The following MYO16 variants were observed in gnomAD, a reference collection of about 807,000 sequenced individuals.
The protein encoded by MYO16 is unconventional myosin-XVI.
A neutral mutation model predicts 205.3 loss-of-function variants in MYO16; 94 were observed. The observed-to-expected ratio is 0.46, with a 90% CI of 0.39 to 0.54. The LOEUF (loss-of-function observed/expected upper bound fraction) is 0.54, where lower values mean the gene tolerates loss of function less well. Ranked by LOEUF, MYO16 falls within the 20% of genes least tolerant of loss-of-function variation. MYO16 has a pLI of 0.00. For synonymous variants in MYO16, 988 were observed against 954.0 expected (o/e 1.04, Z -0.66); for missense variants, 2,315 against 2,387.5 (o/e 0.97, Z 0.63).
At chr13:108,937,552 G>A (rs553915720) in intron 16 of MYO16, among the ~76,000 whole-genome samples, 35 of 152,178 alleles carry the variant, frequency 2.3e-4, no homozygotes, top group East Asian at 1.9e-4. Flanking sequence ...TCTCAAAGGC[G>A]TTGCTCATTT....
the MYO16 span, among the ~76,000 whole-genome samples, chr13:108,550,993 T>C: frequency 6.6e-6 from 1 of 152,194 alleles, no homozygotes; most frequent in Non-Finnish European, 1.5e-5. Context: ...CCCTTGTGCC[T>C]TTTTATAGAA....
At chr13:108,920,437 A>G (rs1881693429) in intron 16 of MYO16, among the ~76,000 whole-genome samples, 1 of 130,888 alleles carries the variant, frequency 7.6e-6, no homozygotes, top group Admixed American at 8.9e-5. Context: ...CTTCCCTGTC[A>G]TCTCTTTCTG....
intron 27 of MYO16, among the ~76,000 whole-genome samples, chr13:109,100,327 CAAAT>C (rs1888922035): frequency 6.6e-6 from 1 of 151,996 alleles, no homozygotes; most frequent in Non-Finnish European, 1.5e-5. Flanking sequence ...TTCTACCTCT[CAAAT>C]AAGTATTCTG....
chr13:108,937,019 G>C (rs146662133), intron 16 of MYO16, among the ~76,000 whole-genome samples: 1 of 152,050 alleles, frequency 6.6e-6, no homozygotes, highest in Non-Finnish European at 1.5e-5. Context: ...CTCCCTTAAG[G>C]GTCTCTTATA....
At position 108,823,206 on chromosome 13, in the gene MYO16, C is replaced by T. The variant is rs750742570; in HGVS notation, c.1025C>T (p.Ser342Phe). ...GAAGAAAAAATGAAAGAGCCTTTATCTGCTTCTACCTTAGCTCAAGAAGAG... is the reference window on the plus strand; with the variant it reads ...GAAGAAAAAATGAAAGAGCCTTTATTTGCTTCTACCTTAGCTCAAGAAGAG... The part of the protein sequence containing the change: ...AWEEKMKEPL[S>F]ASTLAQEEPY... The change falls in exon 9 of 35, where the codon TCT becomes TTT. Residue 342 changes from serine (S) to phenylalanine (F), a missense_variant. By Grantham distance (155) the Ser-to-Phe change is radical. Transcript: ENST00000457511. 4.0e-5 allele frequency: 64 copies of T among 1,613,116 alleles called. No homozygotes were observed. Among genetic ancestry groups the T allele is most frequent in the Non-Finnish European group, 5.4e-5 (64 of 1,179,488 alleles).
At chr13:108,978,613 C>CGCA (rs1884353351) in intron 20 of MYO16, among the ~76,000 whole-genome samples, 1 of 151,764 alleles carries the variant, frequency 6.6e-6, no homozygotes, top group Non-Finnish European at 1.5e-5. Flanking sequence ...GTTTTCTAGT[C>CGCA]TTTATTTATG....
At chr13:108,759,722 A>G (rs61971101) in intron 4 of MYO16, among the ~76,000 whole-genome samples, 39,591 of 150,884 alleles carry the variant, frequency 0.26, 5,757 homozygotes, top group Middle Eastern at 0.34. Context: ...TCCGGAGGCT[A>G]AGGCAGGAGA....
intron 14 of MYO16, 62 bp from the exon 15 acceptor site, chr13:108,897,954 T>G: frequency 8.0e-7 from 1 of 1,254,238 alleles, no homozygotes; most frequent in Non-Finnish European, 1.2e-6. Context: ...TCGTCGCTAT[T>G]ACTCATCAAT....
At chr13:108,638,995 G>C (rs9587641) in intron 1 of MYO16, among the ~76,000 whole-genome samples, 14,256 of 152,088 alleles carry the variant, frequency 0.094, 1,251 homozygotes, top group African/African-American at 0.23. Flanking sequence ...TGCGTAGTGC[G>C]TTCAAAGCAA....
At chr13:108,715,212 G>A (rs1239822648) in intron 3 of MYO16, among the ~76,000 whole-genome samples, 7 of 152,134 alleles carry the variant, frequency 4.6e-5, no homozygotes, top group African/African-American at 7.2e-5. Flanking sequence ...CTCCTGCTCC[G>A]TGTGCTCTTG....
At chr13:108,681,349 G>A (rs989357529) in intron 2 of MYO16, among the ~76,000 whole-genome samples, 4 of 152,174 alleles carry the variant, frequency 2.6e-5, no homozygotes, top group Non-Finnish European at 5.9e-5. Flanking sequence ...ATGTGACTCG[G>A]TGCCTAAAGT....
intron 6 of MYO16, among the ~76,000 whole-genome samples, chr13:108,806,468 G>A (rs76754941): frequency 0.012 from 1,803 of 152,266 alleles, 30 homozygotes; most frequent in South Asian, 0.056. Flanking sequence ...AAGTTGGAAG[G>A]AAAATTAATA....
chr13:108,585,694 C>T, the MYO16 span, among the ~76,000 whole-genome samples: 4 of 152,020 alleles, frequency 2.6e-5, no homozygotes, highest in African/African-American at 9.7e-5. Context: ...TTCCTTGTTT[C>T]ATAATGTCAT....
rs1566439108 is a variant in MYO16, at chr13:108,971,352, TATA to T, written c.2369+6451_2369+6453del. 1.2e-3 allele frequency among the ~76,000 whole-genome samples: 14 copies of T among 11,706 alleles called. No homozygotes were observed. The East Asian group carries it at 0.062, about 52-fold the overall frequency. 7.7% of individuals were successfully genotyped at this position (11,706 alleles called of 152,430 possible). A position where few individuals can be genotyped will look rare whatever the true frequency, so the allele number is the denominator to read the frequency against. On this transcript the variant is annotated intron_variant, in intron 20 of 34. Coordinates refer to ENST00000457511, the MANE Select transcript of MYO16 (RefSeq NM_001198950.3). ...TAAAATGGTGTGTGTGTGTTGATTA[TATA>T]TATATATATATATATATATACACAT...
the MYO16 span, among the ~76,000 whole-genome samples, chr13:108,522,774 G>GTA: frequency 2.6e-5 from 4 of 151,704 alleles, no homozygotes; most frequent in East Asian, 1.9e-4. Flanking sequence ...GTTTGTGTGT[G>GTA]TGTGTGTGTG....
intron 23 of MYO16, among the ~76,000 whole-genome samples, chr13:109,041,134 G>A (rs562776794): frequency 2.0e-5 from 3 of 152,260 alleles, no homozygotes; most frequent in South Asian, 2.1e-4. Context: ...CAATACTTAG[G>A]TGTAAATCTA....
At chr13:108,611,958 CTTTTTTTTTTTTTCTTTTTT>C (rs1409744222) in intron 1 of MYO16, among the ~76,000 whole-genome samples, 6 of 101,922 alleles carry the variant, frequency 5.9e-5, no homozygotes, top group East Asian at 2.6e-4. Context: ...AGGTAATATT[CTTTTTTTTTTTTTCTTTTTT>C]TTTTTTTTTT....
chr13:109,010,819 G>A (rs1267348628), intron 22 of MYO16, among the ~76,000 whole-genome samples: 2 of 151,816 alleles, frequency 1.3e-5, no homozygotes, highest in Admixed American at 6.6e-5. Flanking sequence ...TTACTCTTCA[G>A]TAAATAGCTT....
At chr13:108,756,662 G>A (rs1354154925) in intron 4 of MYO16, among the ~76,000 whole-genome samples, 2 of 151,846 alleles carry the variant, frequency 1.3e-5, no homozygotes, top group African/African-American at 2.4e-5. Flanking sequence ...ACTACAGAAG[G>A]AATTCACATT....
Sources: gnomAD v4.1 joint callset for allele counts (sites outside exome capture counted in the v4.1 genomes callset) on GRCh38, gnomAD v4.1.1 for gene constraint, MANE v1.5 for transcripts, NCBI Gene and HGNC (gene_info 2026-07-23, HGNC 2026-07-21) for gene names.